ERCC6L2: variants seen among roughly 807,000 people sequenced by gnomAD.
ERCC6L2 encodes DNA excision repair protein ERCC-6-like 2.
Under a neutral mutation model 132.0 loss-of-function variants are expected in ERCC6L2, and 77 were observed. The ratio of observed to expected loss-of-function variants is 0.58; its 90% CI spans 0.49 to 0.71. ERCC6L2 has a LOEUF of 0.71. Among genes scored for constraint, ERCC6L2 ranks in the 30% least tolerant of loss-of-function variants. The pLI, the probability that ERCC6L2 is intolerant of heterozygous loss-of-function variation, is 0.00. For synonymous variants in ERCC6L2, 583 were observed against 632.4 expected, an observed-to-expected ratio of 0.92 and a Z score of 1.17; for missense variants, 1,542 against 1,837.6, an observed-to-expected ratio of 0.84 and a Z score of 2.94.
chr9:95,907,826 T>TACACACACACAC (rs373670619), intron 4 of ERCC6L2, among the ~76,000 whole-genome samples: 5 of 40,870 alleles, frequency 1.2e-4, no homozygotes, highest in African/African-American at 3.4e-4. Context: ...GGGCAAAAAC[T>TACACACACACAC]ACACACACAC....
At chr9:95,930,808 A>G (rs1309569783) in intron 11 of ERCC6L2, among the ~76,000 whole-genome samples, 1 of 152,142 alleles carries the variant, frequency 6.6e-6, no homozygotes, top group Non-Finnish European at 1.5e-5. Flanking sequence ...TTAACTTTCC[A>G]CATGCCTTCT....
intron 15 of ERCC6L2, 109 bp from the exon 16 acceptor site, chr9:95,971,824 A>T: frequency 2.3e-6 from 1 of 440,996 alleles, no homozygotes; most frequent in Non-Finnish European, 3.7e-6. Context: ...AGAAAATATT[A>T]AGTGATATAC....
At chr9:96,041,056 T>C (rs975459531) in intron 20 of ERCC6L2, among the ~76,000 whole-genome samples, 1 of 152,198 alleles carries the variant, frequency 6.6e-6, no homozygotes. Flanking sequence ...CCGATGCCAA[T>C]AACTTTAAAT....
At chr9:96,036,602 G>A (rs968954216) in intron 19 of ERCC6L2, among the ~76,000 whole-genome samples, 5 of 152,058 alleles carry the variant, frequency 3.3e-5, no homozygotes, top group African/African-American at 9.7e-5. Flanking sequence ...TGTTCTCCAC[G>A]GAGGCTGCAC....
intron 11 of ERCC6L2, among the ~76,000 whole-genome samples, chr9:95,931,966 A>G (rs943766782): frequency 1.3e-5 from 2 of 151,174 alleles, no homozygotes; most frequent in Non-Finnish European, 2.9e-5. Context: ...CAAACTTTCA[A>G]ACTATATTGG....
Position 95,921,246 on chromosome 9 carries a change from T to G in ERCC6L2, c.1230T>G (p.Thr410=). The G allele has an allele frequency of 6.2e-7, 1 of 1,613,728 alleles. No homozygotes were observed. The change falls in exon 7 of 19, where the codon ACT becomes ACG. Residue 410 remains threonine (T), a synonymous_variant. Coordinates refer to ENST00000653738, the MANE Select transcript of ERCC6L2 (RefSeq NM_020207.7). The stretch of plus-strand genomic sequence containing the variant: ...CAGTGTTAGAAACAGAGGACGTGAC[T>G]TTGATACTTCAATCTTCTGAGCCTT... ...YQTVLETEDV[T]LILQSSEPCT...
At chr9:95,979,323 G>A (rs185584920) in intron 17 of ERCC6L2, among the ~76,000 whole-genome samples, 61 of 152,248 alleles carry the variant, frequency 4.0e-4, no homozygotes, top group African/African-American at 1.4e-3. Context: ...CAGGGGACTG[G>A]GTTGAGGGGG....
In ERCC6L2 at chr9:96,014,376, G is replaced by C. The variant is rs1249922324; in HGVS notation, c.*1173G>C. On this transcript the variant is annotated 3_prime_UTR_variant, in exon 19 of 19. Coordinates refer to ENST00000653738, the MANE Select transcript of ERCC6L2 (RefSeq NM_020207.7). ...AGGAGAGAGGGCTTCCGTGTACTCA[G>C]GATGTAGAGTCATTGCTCAGAAGTG... 1 of 152,218 alleles carries C rather than the reference G, an allele frequency of 6.6e-6. No homozygotes were observed. The highest frequency in any genetic ancestry group is 1.5e-5 in the Non-Finnish European group (1 of 68,042). The allele number at this position is 152,218 out of a possible 1,614,324, so 9.4% of individuals were successfully genotyped here. A position where few individuals can be genotyped will look rare whatever the true frequency, so the allele number is the denominator to read the frequency against.
At chr9:96,024,507 C>T (rs1834335580) in intron 19 of ERCC6L2, among the ~76,000 whole-genome samples, 1 of 152,212 alleles carries the variant, frequency 6.6e-6, no homozygotes, top group Non-Finnish European at 1.5e-5. Context: ...GTCCTCGGAC[C>T]TCTCCAGCGG....
chr9:95,953,101 G>T (rs1430672468), intron 12 of ERCC6L2, among the ~76,000 whole-genome samples: 1 of 152,190 alleles, frequency 6.6e-6, no homozygotes, highest in Non-Finnish European at 1.5e-5. Flanking sequence ...ATTGTTTAAT[G>T]AGTACAGAGT....
At chr9:95,881,366 T>C (rs933702260) in intron 2 of ERCC6L2, 73 bp downstream of exon 2, 2 of 1,182,120 alleles carry the variant, frequency 1.7e-6, no homozygotes, top group Non-Finnish European at 1.2e-6. Flanking sequence ...AAATCTTTAT[T>C]TGTACTGCTG....
At chr9:96,005,451 G>C (rs1248962330) in intron 18 of ERCC6L2, among the ~76,000 whole-genome samples, 1 of 151,966 alleles carries the variant, frequency 6.6e-6, no homozygotes, top group Non-Finnish European at 1.5e-5. Context: ...ATAATAGGAT[G>C]GGGAGGGGAC....
At chr9:95,982,800 G>A (rs903361811) in intron 17 of ERCC6L2, among the ~76,000 whole-genome samples, 3 of 152,084 alleles carry the variant, frequency 2.0e-5, no homozygotes, top group African/African-American at 7.2e-5. Flanking sequence ...ATTGTAGATA[G>A]CATTCTGATT....
At chr9:95,935,057 C>T (rs1830497165) in intron 11 of ERCC6L2, among the ~76,000 whole-genome samples, 1 of 152,126 alleles carries the variant, frequency 6.6e-6, no homozygotes, top group African/African-American at 2.4e-5. Flanking sequence ...CTACTAATAT[C>T]TTCATGGACC....
At chr9:95,894,467 T>C (rs2132585901) in intron 2 of ERCC6L2, among the ~76,000 whole-genome samples, 2 of 152,186 alleles carry the variant, frequency 1.3e-5, no homozygotes, top group Middle Eastern at 3.4e-3. Context: ...CATTTGGAGA[T>C]TTTCTGCTTA....
chr9:95,910,238 A>G (rs535732040), intron 4 of ERCC6L2, among the ~76,000 whole-genome samples: 2 of 152,230 alleles, frequency 1.3e-5, no homozygotes, highest in African/African-American at 2.4e-5. Context: ...TTAATTTAGT[A>G]TTTTGAAGCT....
intron 6 of ERCC6L2, among the ~76,000 whole-genome samples, chr9:95,917,088 C>T (rs993935995): frequency 6.6e-6 from 1 of 152,172 alleles, no homozygotes; most frequent in Non-Finnish European, 1.5e-5. Flanking sequence ...TGTGTACTAT[C>T]CACCACACAG....
chr9:95,964,006 T>C (rs753723802), intron 13 of ERCC6L2, among the ~76,000 whole-genome samples: 1 of 152,168 alleles, frequency 6.6e-6, no homozygotes, highest in Non-Finnish European at 1.5e-5. Context: ...GTAATTGATA[T>C]GTAGTTTATG....
intron 17 of ERCC6L2, 143 bp downstream of exon 17, chr9:95,978,358 C>G (rs1483097554): frequency 7.4e-6 from 3 of 404,710 alleles, no homozygotes; most frequent in African/African-American, 6.5e-5. Context: ...ATCAAAACAC[C>G]ATTTGGGAAC....
Sources: gnomAD v4.1 joint callset for allele counts (sites outside exome capture counted in the v4.1 genomes callset) on GRCh38, gnomAD v4.1.1 for gene constraint, MANE v1.5 for transcripts, NCBI Gene and HGNC (gene_info 2026-07-23, HGNC 2026-07-21) for gene names.